Variants in KIAA0586 observed in about 807,000 individuals in gnomAD.
The protein encoded by KIAA0586 is KIAA0586, also known as protein TALPID3.
Under a neutral mutation model 169.8 loss-of-function variants are expected in KIAA0586, and 144 were observed. The ratio of observed to expected loss-of-function variants is 0.85; its 90% CI spans 0.74 to 0.97. KIAA0586 has a LOEUF of 0.97. Ranked by LOEUF, KIAA0586 falls within the 50% of genes least tolerant of loss-of-function variation. KIAA0586 has a pLI of 0.00. For synonymous variants in KIAA0586, 625 were observed against 612.4 expected, an observed-to-expected ratio of 1.02 and a Z score of -0.30; for missense variants, 1,854 against 1,823.0, an observed-to-expected ratio of 1.02 and a Z score of -0.31.
In KIAA0586 at chr14:58,457,855, G is replaced by T. The variant is rs551062851; in HGVS notation, c.1459G>T (p.Ala487Ser). The change falls in exon 11 of 31, where the codon GCT becomes TCT. Residue 487 changes from alanine to serine, a missense_variant. By Grantham distance (99) the Ala-to-Ser change is moderately conservative. Coordinates refer to ENST00000652326, the MANE Select transcript of KIAA0586 (RefSeq NM_001329943.3). ...TNTTRSVLKD[A>S]EKILRGVQNN... ...TACAACAAGATCTGTATTGAAAGAT[G>T]CTGAGAAGATTTTGAGAGGAGTACA... 6.2e-7 allele frequency: 1 copy of T among 1,608,648 alleles called. No homozygotes were observed. Among genetic ancestry groups the T allele is most frequent in the Non-Finnish European group, 8.5e-7 (1 of 1,177,110 alleles).
downstream of KIAA0586, among the ~76,000 whole-genome samples, chr14:58,552,029 C>T (rs2047215046): frequency 6.6e-6 from 1 of 152,110 alleles, no homozygotes. Context: ...GCTGGGCAGT[C>T]ACCTCAGGAT....
intron 26 of KIAA0586, among the ~76,000 whole-genome samples, chr14:58,494,556 G>T (rs1266384101): frequency 2.6e-5 from 4 of 152,094 alleles, no homozygotes; most frequent in Non-Finnish European, 5.9e-5. Context: ...GTTTCAGAGA[G>T]TTAAAGAAGA....
chr14:58,460,050 T>A lies in KIAA0586; in HGVS notation c.1864T>A (p.Leu622Ile). ...TATGAGGGGCATGCCTGCTTCAAGT[T>A]TACAGAAAGAGAGAAAGGAAGTAAG... ...LPMRGMPASS[L>I]QKERKEGLLK... is the part of the protein sequence containing the mutation. The change falls in exon 13 of 31, where the codon TTA becomes ATA. Residue 622 changes from leucine to isoleucine, a missense_variant. Physicochemically the swap from Leu to Ile is conservative, Grantham distance 5 (BLOSUM62 2). Transcript: ENST00000652326. The A allele has an allele frequency of 6.6e-7, 1 of 1,523,262 alleles. No individual in the cohort carries two copies. Among genetic ancestry groups the A allele is most frequent in the Non-Finnish European group, 8.8e-7 (1 of 1,138,040 alleles). 94.4% of individuals were successfully genotyped at this position (1,523,262 alleles called of 1,614,324 possible).
Position 58,540,140 on chromosome 14 carries a change from A to G in KIAA0586, c.4495+4A>G, listed in dbSNP as rs761543674. On this transcript the variant is annotated splice_donor_region_variant and intron_variant, in intron 30 of 30. Coordinates refer to ENST00000652326, the MANE Select transcript of KIAA0586 (RefSeq NM_001329943.3). The stretch of plus-strand genomic sequence containing the variant: ...TACCTCACATGTGTATTTTCAGGTA[A>G]GATTTTTACTTTAAAAGTTCTTGAA... 3.9e-6 allele frequency: 6 copies of G among 1,520,174 alleles called. No individual in the cohort carries two copies. The African/African-American group carries it at 8.3e-5, about 21-fold the overall frequency. 94.2% of individuals were successfully genotyped at this position (1,520,174 alleles called of 1,614,324 possible).
chr14:58,488,758 A>T lies in KIAA0586; in HGVS notation c.3665A>T (p.Asp1222Val). Residue 1222 changes from aspartate to valine, a missense_variant, in exon 24 of 31, where the codon GAT (aspartate) becomes GTT (valine). Physicochemically the swap from Asp to Val is radical, Grantham distance 152. Coordinates refer to ENST00000652326, the MANE Select transcript of KIAA0586 (RefSeq NM_001329943.3). ...TCCCCCTCACAGATGCCAGGTTCTG[A>T]TTCATCAACACTGGAGAGCACATTG... ...APSPSQMPGS[D>V]SSTLESTLSV... The T allele has an allele frequency of 6.2e-7, 1 of 1,613,846 alleles. No individual in the cohort carries two copies. The highest frequency in any genetic ancestry group is 1.1e-5 in the South Asian group (1 of 91,076).
chr14:58,434,420 GT>G (rs1470012813), intron 4 of KIAA0586, among the ~76,000 whole-genome samples: 4 of 152,140 alleles, frequency 2.6e-5, no homozygotes. Context: ...TCATGATTTT[GT>G]TTGAGTTCTT....
chr14:58,428,384 G>T lies in KIAA0586; in HGVS notation c.120G>T (p.Leu40Phe). The change falls in exon 1 of 31, where the codon TTG becomes TTT. Residue 40 changes from leucine to phenylalanine, a missense_variant. By Grantham distance (22) the Leu-to-Phe change is conservative. Transcript: ENST00000652326. Reference sequence around the variant, plus strand: ...ATTTGGTTTTGCTGAAAGATGAGTTGCCCTGTGTTCCTCCGGCATTGTCTG... The same window carrying T: ...ATTTGGTTTTGCTGAAAGATGAGTTTCCCTGTGTTCCTCCGGCATTGTCTG... ...GDHLVLLKDELPCVPPALSAN... is the reference protein window; with the variant it reads ...GDHLVLLKDEFPCVPPALSAN... 2.5e-6 allele frequency: 4 copies of T among 1,613,966 alleles called. No homozygotes were observed. The highest frequency in any genetic ancestry group is 3.4e-6 in the Non-Finnish European group (4 of 1,179,880).
At chr14:58,514,988 A>C (rs758111774) in intron 29 of KIAA0586, among the ~76,000 whole-genome samples, 1 of 152,062 alleles carries the variant, frequency 6.6e-6, no homozygotes, top group Non-Finnish European at 1.5e-5. Context: ...GGAACAATTA[A>C]ATTCTATAAA....
At chr14:58,480,767 AT>A (rs2041978993) in intron 20 of KIAA0586, among the ~76,000 whole-genome samples, 1 of 152,142 alleles carries the variant, frequency 6.6e-6, no homozygotes, top group Non-Finnish European at 1.5e-5. Flanking sequence ...AATTTGTCCT[AT>A]TTAGCATAGC....
chr14:58,487,801 G>C, intron 22 of KIAA0586, 86 bp from the exon 23 acceptor site: 1 of 749,948 alleles, frequency 1.3e-6, no homozygotes, highest in Admixed American at 2.6e-5. Context: ...AATGGTAAGG[G>C]ATATCTGAAG....
At chr14:58,505,610 C>T (rs1374138175) in intron 27 of KIAA0586, among the ~76,000 whole-genome samples, 1 of 152,076 alleles carries the variant, frequency 6.6e-6, no homozygotes, top group African/African-American at 2.4e-5. Context: ...TCCTTACATC[C>T]CCTCCTGAAA....
intron 5 of KIAA0586, among the ~76,000 whole-genome samples, chr14:58,443,261 C>A (rs2038561046): frequency 6.6e-6 from 1 of 152,206 alleles, no homozygotes; most frequent in Non-Finnish European, 1.5e-5. Flanking sequence ...TCAGAGTAGG[C>A]CTATGAGTCT....
intron 29 of KIAA0586, among the ~76,000 whole-genome samples, chr14:58,524,098 A>T (rs571849579): frequency 6.6e-6 from 1 of 152,184 alleles, no homozygotes; most frequent in Non-Finnish European, 1.5e-5. Flanking sequence ...TGATTATTTC[A>T]GTTCAGAATA....
chr14:58,560,958 G>C, the KIAA0586 span, among the ~76,000 whole-genome samples: 6 of 152,232 alleles, frequency 3.9e-5, no homozygotes, highest in African/African-American at 1.2e-4. Context: ...ATAAGAAAAG[G>C]GGCATATAGT....
Position 58,470,738 on chromosome 14 carries a change from T to A in KIAA0586, c.2553+15T>A, listed in dbSNP as rs773046601. 2.3e-6 allele frequency: 3 copies of A among 1,298,678 alleles called. No homozygotes were observed. The African/African-American group carries it at 4.4e-5, about 19-fold the overall frequency. 80.4% of individuals were successfully genotyped at this position (1,298,678 alleles called of 1,614,324 possible). ...CTTGGATAAAGGTATATTTCAGAAT[T>A]TTATCATATTATTTTGAGTAATGTC... On this transcript the variant is annotated intron_variant, in intron 17 of 30. Coordinates refer to ENST00000652326, the MANE Select transcript of KIAA0586 (RefSeq NM_001329943.3).
At chr14:58,477,806 T>G (rs1209185932) in intron 20 of KIAA0586, among the ~76,000 whole-genome samples, 1 of 152,004 alleles carries the variant, frequency 6.6e-6, no homozygotes, top group East Asian at 1.9e-4. Context: ...CCTTTTCTTC[T>G]CCTGCTTCTC....
intron 29 of KIAA0586, chr14:58,522,117 T>G (rs1400164652): frequency 1.7e-6 from 1 of 598,438 alleles, no homozygotes; most frequent in African/African-American, 1.8e-5. Context: ...CTCCCAATCC[T>G]TGTCCTTCCC....
At chr14:58,466,891 A>C (rs2040815351) in intron 15 of KIAA0586, among the ~76,000 whole-genome samples, 1 of 152,116 alleles carries the variant, frequency 6.6e-6, no homozygotes, top group Non-Finnish European at 1.5e-5. Context: ...GTGTAATCTA[A>C]GCCAATAGTT....
rs140161745 is a variant in KIAA0586, at chr14:58,470,475, CAATA to C, written c.2443-135_2443-132del. On this transcript the variant is annotated intron_variant, in intron 16 of 30. Transcript: ENST00000652326. ...AAAATTTTGTTATCCATTGGGTTCA[CAATA>C]AAAACTTAAAGGGCATGCTTTGTTT... The C allele has an allele frequency of 7.7e-3, 2,917 of 379,506 alleles. 79 individuals carry two copies. Among genetic ancestry groups the C allele is most frequent in the African/African-American group, 0.055 (2,643 of 47,736 alleles). The allele number at this position is 379,506 out of a possible 1,614,324, so 23.5% of individuals were successfully genotyped here. A position where few individuals can be genotyped will look rare whatever the true frequency, so the allele number is the denominator to read the frequency against.
Sources: allele counts gnomAD v4.1 joint callset (sites outside exome capture counted in the v4.1 genomes callset), GRCh38; gene constraint gnomAD v4.1.1; transcripts MANE v1.5; gene names NCBI Gene and HGNC (gene_info 2026-07-23, HGNC 2026-07-21).